IQCM: variants seen among roughly 807,000 people sequenced by gnomAD.
IQCM encodes the protein IQ domain-containing protein M.
A neutral mutation model predicts 57.6 loss-of-function variants in IQCM; 45 were observed. The observed-to-expected ratio is 0.78, with a 90% CI of 0.62 to 1.00. The LOEUF is 1.00. IQCM is among the 50% of genes least tolerant of loss of function. The pLI, the probability that IQCM is intolerant of heterozygous loss-of-function variation, is 0.00. For synonymous variants in IQCM, 148 were observed against 158.9 expected, an observed-to-expected ratio of 0.93 and a Z score of 0.51; for missense variants, 468 against 511.6, an observed-to-expected ratio of 0.91 and a Z score of 0.82.
chr4:149,488,888 T>A (rs1022941143), intron 12 of IQCM, among the ~76,000 whole-genome samples: 5 of 152,180 alleles, frequency 3.3e-5, no homozygotes, highest in African/African-American at 1.2e-4. Flanking sequence ...AGTAGCCTTT[T>A]ATATAGAATA....
At chr4:149,624,729 C>T (rs1280619343) in intron 7 of IQCM, among the ~76,000 whole-genome samples, 1 of 152,120 alleles carries the variant, frequency 6.6e-6, no homozygotes, top group African/African-American at 2.4e-5. Context: ...CAGCAAAAGA[C>T]CCAAAGGCAA....
intron 2 of IQCM, among the ~76,000 whole-genome samples, chr4:149,775,066 C>T (rs28507305): frequency 0.023 from 3,271 of 144,760 alleles, 98 homozygotes; most frequent in African/African-American, 0.069. Flanking sequence ...AAAAAAAATC[C>T]AAGTTACTTT....
At chr4:149,393,031 T>C (rs1158839488) in intron 13 of IQCM, among the ~76,000 whole-genome samples, 1 of 151,726 alleles carries the variant, frequency 6.6e-6, no homozygotes, top group African/African-American at 2.4e-5. Flanking sequence ...AAAACATAGC[T>C]GGGCACAGTG....
intron 2 of IQCM, among the ~76,000 whole-genome samples, chr4:149,746,324 T>A (rs993213905): frequency 2.0e-5 from 3 of 152,292 alleles, no homozygotes; most frequent in African/African-American, 7.2e-5. Context: ...CACATCCAAT[T>A]CATCAAGTCT....
intron 12 of IQCM, among the ~76,000 whole-genome samples, chr4:149,489,783 A>C (rs1470569251): frequency 1.3e-5 from 2 of 151,712 alleles, no homozygotes; most frequent in Admixed American, 1.3e-4. Context: ...GTGTGTATAT[A>C]TATACACACA....
chr4:149,789,653 C>T (rs571637886), intron 2 of IQCM, among the ~76,000 whole-genome samples: 14 of 152,256 alleles, frequency 9.2e-5, no homozygotes, highest in African/African-American at 3.1e-4. Flanking sequence ...CACCTGTGGT[C>T]CCAGATACTC....
chr4:149,409,015 A>C (rs1733183219), intron 13 of IQCM, among the ~76,000 whole-genome samples: 1 of 152,194 alleles, frequency 6.6e-6, no homozygotes, highest in Non-Finnish European at 1.5e-5. Flanking sequence ...AACCAGGTAA[A>C]GTTACATAAA....
At chr4:149,447,089 G>T (rs774593181) in intron 12 of IQCM, among the ~76,000 whole-genome samples, 3 of 151,396 alleles carry the variant, frequency 2.0e-5, no homozygotes, top group Non-Finnish European at 3.0e-5. Context: ...AAAAACAAAA[G>T]AATTATTTCT....
chr4:149,379,251 T>C (rs111292417), intron 13 of IQCM, among the ~76,000 whole-genome samples: 33,312 of 152,138 alleles, frequency 0.22, 4,605 homozygotes, highest in Non-Finnish European at 0.3. Context: ...AGAGTCCTCA[T>C]TGGGGCACTG....
chr4:149,761,243 T>G (rs1044835563), intron 2 of IQCM, among the ~76,000 whole-genome samples: 1 of 152,102 alleles, frequency 6.6e-6, no homozygotes, highest in African/African-American at 2.4e-5. Context: ...GTGGATCTAT[T>G]TATGGATCTC....
intron 7 of IQCM, among the ~76,000 whole-genome samples, chr4:149,635,940 A>G (rs1757679391): frequency 6.6e-6 from 1 of 152,220 alleles, no homozygotes; most frequent in Non-Finnish European, 1.5e-5. Flanking sequence ...GCCTCACAGA[A>G]TAAGAGATTT....
intron 9 of IQCM, among the ~76,000 whole-genome samples, chr4:149,566,716 AGAAAT>A (rs540011118): frequency 7.5e-4 from 115 of 152,362 alleles, no homozygotes; most frequent in Non-Finnish European, 7.3e-4. Context: ...ACAATTGAAA[AGAAAT>A]GAATTTTATC....
At position 149,794,976 on chromosome 4, in the gene IQCM, T is replaced by G. The variant is rs1772983727; in HGVS notation, c.-49+20335A>C. 3.3e-5 allele frequency among the ~76,000 whole-genome samples: 5 copies of G among 152,106 alleles called. No homozygotes were observed. In the South Asian group the frequency reaches 1.0e-3, roughly 31 times the overall value. ...GGAGACAAGGATTTTAAGACATCTA[T>G]TATAATTACATTAAATAATTTATAG... On this transcript the variant is annotated intron_variant, in intron 2 of 13. Transcript: ENST00000636793.
At chr4:149,458,404 G>A (rs967543413) in intron 12 of IQCM, among the ~76,000 whole-genome samples, 1 of 152,006 alleles carries the variant, frequency 6.6e-6, no homozygotes, top group African/African-American at 2.4e-5. Flanking sequence ...TACCCAGTAA[G>A]TAAATTTAGA....
At chr4:149,591,611 C>T (rs1445468866) in intron 8 of IQCM, among the ~76,000 whole-genome samples, 1 of 152,018 alleles carries the variant, frequency 6.6e-6, no homozygotes, top group Non-Finnish European at 1.5e-5. Flanking sequence ...TCTCCTCCCA[C>T]CCCACGACAG....
intron 12 of IQCM, among the ~76,000 whole-genome samples, chr4:149,517,111 CA>C (rs1745052748): frequency 1.4e-5 from 1 of 72,624 alleles, no homozygotes; most frequent in Admixed American, 1.9e-4. Flanking sequence ...GTCACTCCAC[CA>C]GGAAAAAAAA....
intron 2 of IQCM, among the ~76,000 whole-genome samples, chr4:149,814,627 A>T (rs2150074082): frequency 6.6e-6 from 1 of 152,132 alleles, no homozygotes; most frequent in African/African-American, 2.4e-5. Flanking sequence ...GGTATCCAGA[A>T]TAGCTATTCT....
intron 12 of IQCM, among the ~76,000 whole-genome samples, chr4:149,438,313 G>C (rs11933058): frequency 3.3e-5 from 5 of 151,892 alleles, no homozygotes; most frequent in Non-Finnish European, 7.4e-5. Flanking sequence ...CATTCACAAT[G>C]AATTAGCAAT....
intron 12 of IQCM, among the ~76,000 whole-genome samples, chr4:149,516,260 C>T (rs948825229): frequency 2.0e-5 from 3 of 152,202 alleles, no homozygotes; most frequent in Non-Finnish European, 2.9e-5. Flanking sequence ...TTTGTCCTCA[C>T]TGGAATAGAC....
Sources: gnomAD v4.1 joint callset for allele counts (sites outside exome capture counted in the v4.1 genomes callset) on GRCh38, gnomAD v4.1.1 for gene constraint, MANE v1.5 for transcripts, NCBI Gene and HGNC (gene_info 2026-07-23, HGNC 2026-07-21) for gene names.